ARHGEF3: variants seen among roughly 807,000 people sequenced by gnomAD.
ARHGEF3 encodes 59.8 kDA protein.
ARHGEF3 carries 28 observed loss-of-function variants against 63.2 expected under a neutral mutation model. That is an observed-to-expected ratio of 0.44 (90% CI 0.33 to 0.61). The LOEUF is 0.61. Among genes scored for constraint, ARHGEF3 ranks in the 20% least tolerant of loss-of-function variants. ARHGEF3 has a pLI of 0.03. For missense variants in ARHGEF3, 533 were observed against 659.3 expected, an observed-to-expected ratio of 0.81 and a Z score of 2.10; for synonymous variants, 266 against 254.2, an observed-to-expected ratio of 1.05 and a Z score of -0.44.
chr3:56,801,892 G>A lies in ARHGEF3; in HGVS notation c.-94C>T, dbSNP rs1022545535. On this transcript the variant is annotated 5_prime_UTR_variant, in exon 1 of 10. Transcript: ENST00000296315. ...AAGGGGGCCCCAGCTCCACGATGCC[G>A]GGCGGCGGCGGCGACACGGAGACCG... 2 of 1,547,298 alleles carry A rather than the reference G, an allele frequency of 1.3e-6. No individual in the cohort carries two copies. The highest frequency in any genetic ancestry group is 2.4e-5 in the East Asian group (1 of 40,894).
chr3:56,850,305 G>T (rs1378621420), intron 4 of ARHGEF3, among the ~76,000 whole-genome samples: 1 of 152,222 alleles, frequency 6.6e-6, no homozygotes, highest in African/African-American at 2.4e-5. Context: ...AAGGCAGGGG[G>T]ATCACTTGAG....
At chr3:57,063,676 G>A (rs1280898362) in intron 1 of ARHGEF3, among the ~76,000 whole-genome samples, 1 of 152,238 alleles carries the variant, frequency 6.6e-6, no homozygotes, top group Middle Eastern at 3.4e-3. Context: ...ACAAGGCTTC[G>A]AGGAAGAGAA....
chr3:56,943,073 T>A (rs1699267554), intron 3 of ARHGEF3, among the ~76,000 whole-genome samples: 1 of 152,204 alleles, frequency 6.6e-6, no homozygotes, highest in African/African-American at 2.4e-5. Flanking sequence ...CAGCAAGCTA[T>A]CCAGAAGATC....
intron 2 of ARHGEF3, among the ~76,000 whole-genome samples, chr3:56,763,062 G>A (rs1256236178): frequency 6.6e-6 from 1 of 152,156 alleles, no homozygotes; most frequent in Non-Finnish European, 1.5e-5. Context: ...CCAAAACATG[G>A]ATTTGGGTGA....
chr3:56,765,572 T>G (rs1006560546), intron 2 of ARHGEF3, among the ~76,000 whole-genome samples: 5 of 152,150 alleles, frequency 3.3e-5, no homozygotes, highest in African/African-American at 1.2e-4. Flanking sequence ...CACATATGCT[T>G]GGGTAATTTC....
At chr3:57,037,303 T>C (rs1345574623) in intron 1 of ARHGEF3, among the ~76,000 whole-genome samples, 1 of 152,214 alleles carries the variant, frequency 6.6e-6, no homozygotes, top group East Asian at 1.9e-4. Context: ...GGGTCACTTC[T>C]GCAGCTGTGA....
Position 56,861,571 on chromosome 3 carries a change from T to C in ARHGEF3, c.192+20721A>G, listed in dbSNP as rs139939136. On this transcript the variant is annotated intron_variant, in intron 4 of 12. Coordinates refer to the ARHGEF3 transcript ENST00000338458. ...TCAAAGTTCCCTGAGCCCGGGATTT[T>C]CTCTCTTGATACATTTACAGAAGGG... Among the ~76,000 whole-genome samples, 400 of 152,230 alleles carry C rather than the reference T, an allele frequency of 2.6e-3. 4 individuals are homozygous for C. Among genetic ancestry groups the C allele is most frequent in the African/African-American group, 9.2e-3 (382 of 41,532 alleles).
rs768599306 is a variant in ARHGEF3 at position 56,732,338 on chromosome 3, A to AC, written c.1127dup (p.Gln377SerfsTer32). 1 of 1,614,216 alleles carries AC rather than the reference A, an allele frequency of 6.2e-7. No individual in the cohort carries two copies. Among genetic ancestry groups the AC allele is most frequent in the Non-Finnish European group, 8.5e-7 (1 of 1,180,034 alleles). ...GGAGGTCTTTCACGGGGATTGGCTG[A>AC]CGGTACAGCTGGTAGCAAAGCTGCT... On this transcript the variant is annotated frameshift_variant, in exon 9 of 10. Transcript: ENST00000296315. LOFTEE classifies it high-confidence loss of function.
At chr3:57,002,989 C>T (rs567160940) in intron 2 of ARHGEF3, among the ~76,000 whole-genome samples, 230 of 151,470 alleles carry the variant, frequency 1.5e-3, no homozygotes, top group African/African-American at 5.1e-3. Context: ...GGCCAGGCTC[C>T]GTCTCCTGAC....
At chr3:56,902,675 C>G (rs1441272350) in intron 3 of ARHGEF3, among the ~76,000 whole-genome samples, 2 of 152,228 alleles carry the variant, frequency 1.3e-5, no homozygotes, top group African/African-American at 4.8e-5. Flanking sequence ...AATGAGGACC[C>G]TGTGTGCCTG....
intron 1 of ARHGEF3, among the ~76,000 whole-genome samples, chr3:56,783,647 G>A (rs1325352676): frequency 6.6e-6 from 1 of 152,172 alleles, no homozygotes; most frequent in African/African-American, 2.4e-5. Flanking sequence ...ACTCTGAGAG[G>A]TGAAGCAGGC....
At chr3:56,952,879 G>A (rs764932502) in intron 3 of ARHGEF3, among the ~76,000 whole-genome samples, 7 of 152,264 alleles carry the variant, frequency 4.6e-5, no homozygotes, top group Non-Finnish European at 7.4e-5. Context: ...AGTTCTTCAC[G>A]TCTAACCTCC....
At chr3:56,756,414 A>C (rs1448383289) in intron 2 of ARHGEF3, among the ~76,000 whole-genome samples, 1 of 152,054 alleles carries the variant, frequency 6.6e-6, no homozygotes, top group Non-Finnish European at 1.5e-5. Context: ...CCACTCATCC[A>C]TGAGCCTCCA....
chr3:56,966,400 A>G (rs1263312492), intron 2 of ARHGEF3, among the ~76,000 whole-genome samples: 1 of 152,266 alleles, frequency 6.6e-6, no homozygotes, highest in Non-Finnish European at 1.5e-5. Flanking sequence ...AAATGTGGAC[A>G]TTATCCTTTA....
intron 2 of ARHGEF3, among the ~76,000 whole-genome samples, chr3:56,969,090 G>T (rs560058891): frequency 6.6e-6 from 1 of 152,158 alleles, no homozygotes; most frequent in Non-Finnish European, 1.5e-5. Context: ...CTTTAGAGAG[G>T]TAGTACTACA....
intron 1 of ARHGEF3, among the ~76,000 whole-genome samples, chr3:57,055,250 C>T (rs968242933): frequency 4.6e-5 from 7 of 151,092 alleles, no homozygotes; most frequent in Non-Finnish European, 1.0e-4. Context: ...CAACTTCTGC[C>T]TCCCAGGTTC....
chr3:57,056,344 G>A (rs1704933291), intron 1 of ARHGEF3, among the ~76,000 whole-genome samples: 1 of 139,760 alleles, frequency 7.2e-6, no homozygotes, highest in South Asian at 2.2e-4. Flanking sequence ...CCAAGATTGT[G>A]CCACTGCACT....
intron 3 of ARHGEF3, chr3:56,916,247 C>T (rs1405476495): frequency 3.3e-6 from 5 of 1,517,228 alleles, no homozygotes; most frequent in Admixed American, 2.1e-5. Context: ...TGGCACCACC[C>T]CACCCGGCTC....
At chr3:56,896,865 G>A (rs960198640) in intron 3 of ARHGEF3, among the ~76,000 whole-genome samples, 1 of 152,156 alleles carries the variant, frequency 6.6e-6, no homozygotes, top group African/African-American at 2.4e-5. Context: ...ATGTGGCATT[G>A]GTTTGGCCCA....
Sources: allele counts gnomAD v4.1 joint callset (sites outside exome capture counted in the v4.1 genomes callset), GRCh38; gene constraint gnomAD v4.1.1; transcripts MANE v1.5; gene names NCBI Gene and HGNC (gene_info 2026-07-23, HGNC 2026-07-21).